The following DLGAP4 variants were observed in gnomAD, a reference collection of about 807,000 sequenced individuals.
DLGAP4 encodes DLG associated protein 4.
A neutral mutation model predicts 86.9 loss-of-function variants in DLGAP4; 18 were observed. The observed-to-expected ratio is 0.21, with a 90% CI of 0.14 to 0.31. DLGAP4 has a LOEUF of 0.31. Among genes scored for constraint, DLGAP4 ranks in the 10% least tolerant of loss-of-function variants. DLGAP4 has a pLI of 1.00. For missense variants in DLGAP4, 1,085 were observed against 1,362.6 expected, an observed-to-expected ratio of 0.80 and a Z score of 3.21; for synonymous variants, 548 against 574.3, an observed-to-expected ratio of 0.95 and a Z score of 0.65.
intron 2 of DLGAP4, among the ~76,000 whole-genome samples, chr20:36,400,972 G>A (rs1267970850): frequency 6.6e-6 from 1 of 152,068 alleles, no homozygotes; most frequent in African/African-American, 2.4e-5. Context: ...CCCTTTGCCG[G>A]AAAAACTGGC....
chr20:36,317,220 CTTTTTTCTTTCT>C (rs1448670927), intron 1 of DLGAP4, among the ~76,000 whole-genome samples: 15 of 117,194 alleles, frequency 1.3e-4, no homozygotes, highest in African/African-American at 4.7e-4. Context: ...CCTTCCTCTC[CTTTTTTCTTTCT>C]TTCTTTCTTT....
chr20:36,435,480 C>T (rs571452628), intron 3 of DLGAP4, among the ~76,000 whole-genome samples: 39 of 152,320 alleles, frequency 2.6e-4, no homozygotes, highest in Non-Finnish European at 4.1e-4. Flanking sequence ...ATCACAGCCC[C>T]GTTCCACGGA....
chr20:36,435,298 T>C (rs556533820), intron 3 of DLGAP4, among the ~76,000 whole-genome samples: 1 of 152,290 alleles, frequency 6.6e-6, no homozygotes, highest in African/African-American at 2.4e-5. Context: ...TGTGTTTCCG[T>C]AACAGTGTGA....
chr20:36,330,407 GAC>G (rs1346386544), intron 1 of DLGAP4, among the ~76,000 whole-genome samples: 1 of 152,138 alleles, frequency 6.6e-6, no homozygotes, highest in Non-Finnish European at 1.5e-5. Flanking sequence ...GGAGGTGGTG[GAC>G]TATATGGCTT....
intron 2 of DLGAP4, among the ~76,000 whole-genome samples, chr20:36,411,461 G>T (rs545265388): frequency 8.5e-5 from 13 of 152,130 alleles, no homozygotes; most frequent in Non-Finnish European, 1.9e-4. Context: ...AGCAGTCCAT[G>T]GGGTGCTGGG....
intron 7 of DLGAP4, among the ~76,000 whole-genome samples, chr20:36,480,086 T>C (rs8123941): frequency 0.031 from 4,784 of 152,230 alleles, 215 homozygotes; most frequent in African/African-American, 0.11. Flanking sequence ...ATTTTATAGA[T>C]GGGAGAAATT....
In DLGAP4 at chr20:36,526,829, C is replaced by T. The variant is rs1278407475; in HGVS notation, c.2777C>T (p.Pro926Leu). The T allele has an allele frequency of 1.9e-6, 3 of 1,606,458 alleles. No individual in the cohort carries two copies. The highest frequency in any genetic ancestry group is 2.7e-5 in the African/African-American group (2 of 74,282). The change falls in exon 13 of 13, where the codon CCC becomes CTC. Residue 926 changes from proline (P) to leucine (L), a missense_variant. Coordinates refer to ENST00000339266, the MANE Select transcript of DLGAP4 (RefSeq NM_001365621.2). ...PEKRKEEKKP[P>L]PPVPKKPAKS... Reference sequence around the variant, plus strand: ...TCACTAAAGGAAGAGAAGAAACCACCCCCTCCGGTCCCAAAGAAGCCAGCC... The same window carrying T: ...TCACTAAAGGAAGAGAAGAAACCACTCCCTCCGGTCCCAAAGAAGCCAGCC...
intron 1 of DLGAP4, among the ~76,000 whole-genome samples, chr20:36,335,275 C>T (rs1223384800): frequency 6.6e-6 from 1 of 152,148 alleles, no homozygotes; most frequent in Non-Finnish European, 1.5e-5. Flanking sequence ...GCACAGATGG[C>T]ATGACATTGA....
intron 2 of DLGAP4, among the ~76,000 whole-genome samples, chr20:36,409,034 CTT>C (rs35210861): frequency 8.1e-5 from 9 of 111,142 alleles, no homozygotes; most frequent in East Asian, 2.6e-4. Flanking sequence ...AAATAAAAGG[CTT>C]TTTTTTTTTT....
At chr20:36,315,532 G>T (rs1474867831) in intron 1 of DLGAP4, among the ~76,000 whole-genome samples, 6 of 147,594 alleles carry the variant, frequency 4.1e-5, no homozygotes, top group Non-Finnish European at 9.0e-5. Flanking sequence ...GGAAACTTGG[G>T]TGGCCATGGT....
intron 2 of DLGAP4, among the ~76,000 whole-genome samples, chr20:36,403,350 A>G (rs1423229629): frequency 2.6e-5 from 4 of 152,190 alleles, no homozygotes; most frequent in Non-Finnish European, 5.9e-5. Flanking sequence ...TGACCTAAAC[A>G]CATCTTTAAA....
At chr20:36,405,161 C>T (rs1349744662) in intron 2 of DLGAP4, among the ~76,000 whole-genome samples, 4 of 152,282 alleles carry the variant, frequency 2.6e-5, no homozygotes, top group Non-Finnish European at 5.9e-5. Context: ...GCAGGGCAGC[C>T]GGGGGAGGCC....
intron 1 of DLGAP4, among the ~76,000 whole-genome samples, chr20:36,338,193 G>T (rs782000293): frequency 2.6e-4 from 39 of 152,204 alleles, no homozygotes; most frequent in Non-Finnish European, 5.4e-4. Flanking sequence ...CTGAGAGCTG[G>T]GCACTGGCAG....
chr20:36,461,701 CCCTCCTCCTCCT>C lies in DLGAP4; in HGVS notation c.1648+14776_1648+14787del, dbSNP rs1175791446. The C allele has an allele frequency of 2.4e-5, 16 of 679,226 alleles. No homozygotes were observed. The South Asian group carries it at 2.8e-4, about 12-fold the overall frequency. The allele number at this position is 679,226 out of a possible 1,614,324, so 42.1% of individuals were successfully genotyped here. ...CGGCCCTGCCCCGCCCCCGCCCTCGCCCTCCTCCTCCTCCTCCTCCTCCCCGTCTGTCCGTCC... is the reference window on the plus strand; with the variant it reads ...CGGCCCTGCCCCGCCCCCGCCCTCGCCCTCCTCCTCCCCGTCTGTCCGTCC... On this transcript the variant is annotated intron_variant, in intron 7 of 12. Coordinates refer to ENST00000339266, the MANE Select transcript of DLGAP4 (RefSeq NM_001365621.2).
In DLGAP4 at chr20:36,526,977, C is replaced by T. The variant is rs144633923; in HGVS notation, c.2925C>T (p.Thr975=). The change falls in exon 13 of 13, where the codon ACC becomes ACT. Residue 975 remains threonine (T), a synonymous_variant. Coordinates refer to ENST00000339266, the MANE Select transcript of DLGAP4 (RefSeq NM_001365621.2). ...CTTCTGTGCGGCAGAACTCAGCCAC[C>T]GAGAGCGCAGACAGCATCGAGATTT... ...RAASVRQNSA[T]ESADSIEIYV... The T allele has an allele frequency of 1.5e-5, 25 of 1,613,446 alleles. 1 individual carries two copies. The highest frequency in any genetic ancestry group is 1.3e-4 in the South Asian group (12 of 91,058).
intron 2 of DLGAP4, among the ~76,000 whole-genome samples, chr20:36,388,220 C>T (rs1228103339): frequency 6.6e-6 from 1 of 152,224 alleles, no homozygotes; most frequent in Non-Finnish European, 1.5e-5. Context: ...TGTATGTTCT[C>T]TTCGCACTCT....
chr20:36,450,462 C>T (rs1160217265), intron 7 of DLGAP4, among the ~76,000 whole-genome samples: 2 of 151,998 alleles, frequency 1.3e-5, no homozygotes, highest in Non-Finnish European at 2.9e-5. Context: ...CACACTATTG[C>T]ACTCCAGCCT....
At chr20:36,320,068 C>A (rs1174137310) in intron 1 of DLGAP4, among the ~76,000 whole-genome samples, 2 of 149,506 alleles carry the variant, frequency 1.3e-5, no homozygotes, top group Non-Finnish European at 3.0e-5. Context: ...CTCCAGGCCT[C>A]CCTCTGTGTC....
At chr20:36,381,766 A>T (rs1281743196) in intron 2 of DLGAP4, among the ~76,000 whole-genome samples, 1 of 152,044 alleles carries the variant, frequency 6.6e-6, no homozygotes, top group African/African-American at 2.4e-5. Context: ...GCTATCGCTG[A>T]TGCTGGTGAT....
Sources: gnomAD v4.1 joint callset for allele counts (sites outside exome capture counted in the v4.1 genomes callset) on GRCh38, gnomAD v4.1.1 for gene constraint, MANE v1.5 for transcripts, NCBI Gene and HGNC (gene_info 2026-07-23, HGNC 2026-07-21) for gene names.